The following ROBO1 variants were observed in gnomAD, a reference collection of about 807,000 sequenced individuals.
ROBO1 encodes roundabout guidance receptor 1, also known as roundabout homolog 1.
ROBO1 carries 149 observed loss-of-function variants against 195.9 expected under a neutral mutation model. The observed-to-expected ratio is 0.76, with a 90% CI of 0.67 to 0.87. The LOEUF (loss-of-function observed/expected upper bound fraction) is 0.87. Among genes scored for constraint, ROBO1 ranks in the 40% least tolerant of loss-of-function variants. The probability of loss-of-function intolerance (pLI) is 0.00; values close to 1 mark genes in which losing one functional copy is unlikely to be tolerated. For missense variants in ROBO1, 1,933 were observed against 2,068.3 expected (o/e 0.93, Z 1.27); for synonymous variants, 816 against 733.2 (o/e 1.11, Z -1.82).
At chr3:79,734,698 C>A (rs1245895023) in intron 1 of ROBO1, among the ~76,000 whole-genome samples, 2 of 151,742 alleles carry the variant, frequency 1.3e-5, no homozygotes, top group East Asian at 3.9e-4. Context: ...TACAAGTCAC[C>A]TAGGGATTTT....
chr3:79,252,034 A>G (rs1035004996), intron 2 of ROBO1, among the ~76,000 whole-genome samples: 2 of 151,676 alleles, frequency 1.3e-5, no homozygotes, highest in Non-Finnish European at 2.9e-5. Context: ...AAAAAAAAAA[A>G]GAACAACCAA....
At chr3:79,095,592 T>TAGAGTACTTA (rs1396884745) in intron 3 of ROBO1, among the ~76,000 whole-genome samples, 6 of 152,074 alleles carry the variant, frequency 3.9e-5, no homozygotes, top group Non-Finnish European at 8.8e-5. Flanking sequence ...AGAACCATCT[T>TAGAGTACTTA]GCTAAGTTAC....
intron 3 of ROBO1, among the ~76,000 whole-genome samples, chr3:78,950,110 T>G (rs2040690114): frequency 6.6e-6 from 1 of 152,146 alleles, no homozygotes; most frequent in African/African-American, 2.4e-5. Context: ...TGGCGATTCC[T>G]CAGGGATCTA....
chr3:78,651,767 T>C lies in ROBO1; in HGVS notation c.2777A>G (p.Asn926Ser). Residue 926 changes from asparagine (N) to serine (S), a missense_variant, in exon 19 of 31, where the codon AAC (asparagine) becomes AGC (serine). By Grantham distance (46) the Asn-to-Ser change is conservative (BLOSUM62 1). Coordinates refer to ENST00000464233, the MANE Select transcript of ROBO1 (RefSeq NM_002941.4). ...ACCCGCGTAGGTACTAGTAAGTCCG[T>C]TTCTCTTCTTGCGGTGTCGATAAAG... The part of the protein sequence containing the change: ...IWLYRHRKKR[N>S]GLTSTYAGIR... The C allele has an allele frequency of 6.2e-7, 1 of 1,613,396 alleles. No individual in the cohort carries two copies.
At chr3:78,913,357 CT>C (rs1243228014) in intron 4 of ROBO1, among the ~76,000 whole-genome samples, 2 of 152,002 alleles carry the variant, frequency 1.3e-5, no homozygotes, top group Non-Finnish European at 2.9e-5. Flanking sequence ...TCGCAGTCAA[CT>C]GAGCAAGGGA....
intron 3 of ROBO1, among the ~76,000 whole-genome samples, chr3:79,032,070 C>T: frequency 6.6e-6 from 1 of 151,924 alleles, no homozygotes; most frequent in Non-Finnish European, 1.5e-5. Flanking sequence ...ATGAAATGAG[C>T]TTTCTAAATG....
chr3:78,895,946 G>A (rs2037202986), intron 4 of ROBO1, among the ~76,000 whole-genome samples: 1 of 152,152 alleles, frequency 6.6e-6, no homozygotes, highest in African/African-American at 2.4e-5. Flanking sequence ...AAATGTCTGA[G>A]GTTGGAAGAA....
intron 2 of ROBO1, among the ~76,000 whole-genome samples, chr3:79,450,834 A>T (rs1407358680): frequency 6.6e-6 from 1 of 151,940 alleles, no homozygotes; most frequent in Non-Finnish European, 1.5e-5. Flanking sequence ...AATGATTATC[A>T]GGAAGTACTT....
intron 3 of ROBO1, among the ~76,000 whole-genome samples, chr3:79,042,749 A>T (rs2078512226): frequency 6.6e-6 from 1 of 152,140 alleles, no homozygotes; most frequent in African/African-American, 2.4e-5. Flanking sequence ...TCTATGATCT[A>T]ATTTAGACGA....
At chr3:78,722,932 CATT>C (rs72395159) in intron 5 of ROBO1, among the ~76,000 whole-genome samples, 34,004 of 151,850 alleles carry the variant, frequency 0.22, 3,866 homozygotes, top group Non-Finnish European at 0.24. Context: ...AATGCCTGCA[CATT>C]ATTATTATAA....
chr3:79,157,167 G>A (rs771617623), intron 2 of ROBO1, among the ~76,000 whole-genome samples: 14 of 151,690 alleles, frequency 9.2e-5, no homozygotes, highest in Non-Finnish European at 1.9e-4. Flanking sequence ...CTTTACATTA[G>A]AAATAGTCCT....
At chr3:79,183,413 G>A (rs1037801022) in intron 2 of ROBO1, among the ~76,000 whole-genome samples, 2 of 152,314 alleles carry the variant, frequency 1.3e-5, no homozygotes, top group Middle Eastern at 3.4e-3. Flanking sequence ...TGTCAGAAGT[G>A]ACTCAGTGGA....
intron 2 of ROBO1, among the ~76,000 whole-genome samples, chr3:79,550,202 A>AAAGAAAGAAAGAAAGAAAGG (rs61662697): frequency 9.7e-6 from 1 of 103,094 alleles, no homozygotes; most frequent in African/African-American, 4.4e-5. Context: ...AAAGGAAAAG[A>AAAGAAAGAAAGAAAGAAAGG]AAAGAAAAGA....
At chr3:79,494,269 A>G (rs1223588477) in intron 2 of ROBO1, among the ~76,000 whole-genome samples, 1 of 152,206 alleles carries the variant, frequency 6.6e-6, no homozygotes, top group African/African-American at 2.4e-5. Context: ...CATGAGACTT[A>G]TAGAAGAAAC....
intron 3 of ROBO1, among the ~76,000 whole-genome samples, chr3:78,956,733 A>C (rs2041067785): frequency 6.6e-6 from 1 of 152,196 alleles, no homozygotes; most frequent in Non-Finnish European, 1.5e-5. Flanking sequence ...AATAGCCTTA[A>C]TTCTGCTTAT....
chr3:79,155,908 C>T (rs2080850195), intron 2 of ROBO1, among the ~76,000 whole-genome samples: 1 of 151,798 alleles, frequency 6.6e-6, no homozygotes, highest in Non-Finnish European at 1.5e-5. Flanking sequence ...TACAATTCAT[C>T]ATTCACTGTG....
intron 1 of ROBO1, among the ~76,000 whole-genome samples, chr3:79,596,206 A>G (rs933221663): frequency 1.3e-5 from 2 of 152,080 alleles, no homozygotes; most frequent in Non-Finnish European, 2.9e-5. Context: ...TCATAAATAC[A>G]TGAATAATAA....
chr3:78,870,125 C>G (rs556976002), intron 4 of ROBO1, among the ~76,000 whole-genome samples: 1 of 152,222 alleles, frequency 6.6e-6, no homozygotes, highest in South Asian at 2.1e-4. Flanking sequence ...TTTTAAGGAG[C>G]ATTTTTGTCT....
At chr3:78,731,519 C>T (rs1318179915) in intron 5 of ROBO1, among the ~76,000 whole-genome samples, 2 of 151,996 alleles carry the variant, frequency 1.3e-5, no homozygotes, top group Admixed American at 6.6e-5. Flanking sequence ...AAACTTTCTC[C>T]TAGTTTTAAC....
Sources: gnomAD v4.1 joint callset for allele counts (sites outside exome capture counted in the v4.1 genomes callset) on GRCh38, gnomAD v4.1.1 for gene constraint, MANE v1.5 for transcripts, NCBI Gene and HGNC (gene_info 2026-07-23, HGNC 2026-07-21) for gene names.